TRIM2: variants seen among roughly 807,000 people sequenced by gnomAD.
TRIM2 encodes the protein tripartite motif containing 2, also known as tripartite motif-containing protein 2.
Under a neutral mutation model 75.2 loss-of-function variants are expected in TRIM2, and 20 were observed. The ratio of observed to expected loss-of-function variants is 0.27; its 90% CI spans 0.19 to 0.39. The LOEUF (loss-of-function observed/expected upper bound fraction) is 0.39. TRIM2 is among the 10% of genes least tolerant of loss of function. The pLI, the probability that TRIM2 is intolerant of heterozygous loss-of-function variation, is 1.00. For missense variants in TRIM2, 660 were observed against 990.8 expected (o/e 0.67, Z 4.48); for synonymous variants, 373 against 388.3 (o/e 0.96, Z 0.46).
rs369165747 is a variant in TRIM2 at position 153,327,491 on chromosome 4, C to G, written c.2023-1039C>G. ...TGAGGAAACCTTACTCTCAAAGTGC[C>G]TTTTACATAATACTTTCAGATTTGT... On this transcript the variant is annotated intron_variant, in intron 10 of 11. Coordinates refer to ENST00000338700, the MANE Select transcript of TRIM2 (RefSeq NM_015271.5). Among the ~76,000 whole-genome samples the G allele has an allele frequency of 2.6e-5, 4 of 152,276 alleles. No individual in the cohort carries two copies. The East Asian group carries it at 7.7e-4, about 29-fold the overall frequency.
At chr4:153,252,065 TTCTA>T (rs759193179) in intron 1 of TRIM2, among the ~76,000 whole-genome samples, 1 of 152,208 alleles carries the variant, frequency 6.6e-6, no homozygotes, top group Non-Finnish European at 1.5e-5. Context: ...AACTTATTCC[TTCTA>T]TCTAACTGTA....
At chr4:153,162,011 C>G (rs1485429824) in intron 1 of TRIM2, among the ~76,000 whole-genome samples, 1 of 152,198 alleles carries the variant, frequency 6.6e-6, no homozygotes, top group Non-Finnish European at 1.5e-5. Context: ...TGCGTGGGAC[C>G]AATTTGGCCA....
intron 1 of TRIM2, among the ~76,000 whole-genome samples, chr4:153,221,709 A>C (rs970904310): frequency 1.3e-5 from 2 of 148,898 alleles, no homozygotes; most frequent in African/African-American, 5.0e-5. Context: ...GGAAGGAAGG[A>C]AGGAAAGAAG....
At chr4:153,309,812 G>A (rs1408664925) in intron 6 of TRIM2, 1 of 151,920 alleles carries the variant, frequency 6.6e-6, no homozygotes, top group Non-Finnish European at 1.5e-5. Flanking sequence ...TTTAGTAGTA[G>A]GGATGGGGTT....
At chr4:153,327,238 A>T (rs1465684069) in intron 10 of TRIM2, among the ~76,000 whole-genome samples, 1 of 152,202 alleles carries the variant, frequency 6.6e-6, no homozygotes, top group Non-Finnish European at 1.5e-5. Flanking sequence ...CTTGGCAAGT[A>T]CGTAATGAAT....
chr4:153,288,095 A>C (rs996072324), intron 3 of TRIM2, among the ~76,000 whole-genome samples: 2 of 151,800 alleles, frequency 1.3e-5, no homozygotes, highest in Non-Finnish European at 2.9e-5. Flanking sequence ...TGAATATATT[A>C]CCCCATTGAT....
At chr4:153,320,789 CACCCAGCTAATTTTTGT>C in intron 8 of TRIM2, among the ~76,000 whole-genome samples, 1 of 152,156 alleles carries the variant, frequency 6.6e-6, no homozygotes, top group Middle Eastern at 3.4e-3. Context: ...CCCACCACCA[CACCCAGCTAATTTTTGT>C]ATTTTTAGTA....
chr4:153,294,818 TAGTC>T (rs1291505785), intron 5 of TRIM2, among the ~76,000 whole-genome samples: 10 of 152,232 alleles, frequency 6.6e-5, no homozygotes, highest in African/African-American at 2.2e-4. Flanking sequence ...ACCAACCTGT[TAGTC>T]AGCTTCAAAA....
chr4:153,244,926 T>C (rs1748713817), intron 1 of TRIM2, among the ~76,000 whole-genome samples: 1 of 152,232 alleles, frequency 6.6e-6, no homozygotes, highest in African/African-American at 2.4e-5. Context: ...TTGGTGGGAC[T>C]TGGCCTGTTT....
At chr4:153,213,274 T>G (rs572037272) in intron 1 of TRIM2, among the ~76,000 whole-genome samples, 4 of 152,358 alleles carry the variant, frequency 2.6e-5, no homozygotes, top group African/African-American at 9.6e-5. Flanking sequence ...AACCATTATG[T>G]GATGCCTCCA....
chr4:153,316,128 A>T (rs1177071629), intron 8 of TRIM2, 129 bp downstream of exon 8: 6 of 867,646 alleles, frequency 6.9e-6, no homozygotes, highest in South Asian at 4.0e-5. Context: ...AAGATATCTG[A>T]CATCTAAGTT....
intron 6 of TRIM2, among the ~76,000 whole-genome samples, chr4:153,302,452 G>T (rs1035558188): frequency 2.0e-5 from 3 of 152,184 alleles, no homozygotes; most frequent in African/African-American, 4.8e-5. Context: ...GCAACTAACA[G>T]CATGAGATAG....
chr4:153,292,535 C>T (rs1486382292), intron 3 of TRIM2, among the ~76,000 whole-genome samples: 13 of 152,322 alleles, frequency 8.5e-5, no homozygotes, highest in African/African-American at 1.7e-4. Flanking sequence ...GAGTAATCCT[C>T]CAGCCTTGGC....
chr4:153,206,917 G>T (rs11730013), intron 1 of TRIM2, among the ~76,000 whole-genome samples: 3 of 151,466 alleles, frequency 2.0e-5, no homozygotes, highest in Non-Finnish European at 2.9e-5. Context: ...GTCTTGCTCC[G>T]TCACCCAGGC....
intron 6 of TRIM2, among the ~76,000 whole-genome samples, chr4:153,302,558 G>A (rs1764133802): frequency 6.6e-6 from 1 of 152,180 alleles, no homozygotes; most frequent in Non-Finnish European, 1.5e-5. Context: ...GGTATCCCAG[G>A]CAAAGGGACC....
At position 153,324,162 on chromosome 4, in the gene TRIM2, A is replaced by G; in HGVS notation, c.2022+14A>G. The G allele has an allele frequency of 6.2e-7, 1 of 1,604,840 alleles. No individual in the cohort carries two copies. The highest frequency in any genetic ancestry group is 8.5e-7 in the Non-Finnish European group (1 of 1,175,924). On this transcript the variant is annotated intron_variant, in intron 10 of 11. Coordinates refer to ENST00000338700, the MANE Select transcript of TRIM2 (RefSeq NM_015271.5). ...CATTCTGTCAAGGTACTACAAGCACATGAGTTGTTGTTAACTTTTAACTGC... is the reference window on the plus strand; with the variant it reads ...CATTCTGTCAAGGTACTACAAGCACGTGAGTTGTTGTTAACTTTTAACTGC...
chr4:153,171,599 A>G (rs1414171607), intron 1 of TRIM2, among the ~76,000 whole-genome samples: 1 of 150,562 alleles, frequency 6.6e-6, no homozygotes, highest in Admixed American at 6.7e-5. Context: ...AACACAAAAC[A>G]AAACAAAAAA....
chr4:153,200,363 A>G (rs1174120848), upstream of TRIM2, among the ~76,000 whole-genome samples: 1 of 152,150 alleles, frequency 6.6e-6, no homozygotes, highest in Non-Finnish European at 1.5e-5. Flanking sequence ...TTTGTTGTAG[A>G]ACTTCATTTC....
At chr4:153,265,589 C>T (rs1754789903) in intron 1 of TRIM2, 1 of 152,176 alleles carries the variant, frequency 6.6e-6, no homozygotes, top group African/African-American at 2.4e-5. Context: ...ATGATCCACC[C>T]ACCTCGGCCT....
Sources: gnomAD v4.1 joint callset for allele counts (sites outside exome capture counted in the v4.1 genomes callset) on GRCh38, gnomAD v4.1.1 for gene constraint, MANE v1.5 for transcripts, NCBI Gene and HGNC (gene_info 2026-07-23, HGNC 2026-07-21) for gene names.